Variants in AHCYL2 observed in about 807,000 individuals in gnomAD.
AHCYL2 encodes the protein S-adenosylhomocysteine hydrolase-like protein 2.
In AHCYL2, 28 loss-of-function variants were observed where a neutral mutation model predicts 81.4. The observed-to-expected ratio is 0.34, with a 90% CI of 0.25 to 0.47. AHCYL2 has a LOEUF of 0.47. AHCYL2 is among the 20% of genes least tolerant of loss of function. AHCYL2 has a pLI of 1.00. For synonymous variants in AHCYL2, 272 were observed against 290.2 expected (o/e 0.94, Z 0.64); for missense variants, 551 against 785.1 (o/e 0.70, Z 3.56).
chr7:129,409,362 A>G (rs962773881), intron 10 of AHCYL2, 114 bp from the exon 11 acceptor site: 3 of 724,098 alleles, frequency 4.1e-6, no homozygotes, highest in African/African-American at 3.6e-5. Context: ...ACTTCTAAGA[A>G]TAGTTCAGCT....
chr7:129,271,359 C>CAAA (rs3042852), intron 1 of AHCYL2, among the ~76,000 whole-genome samples: 5 of 86,818 alleles, frequency 5.8e-5, no homozygotes, highest in African/African-American at 2.1e-4. Context: ...AGACTGTCTC[C>CAAA]AAAAAAAAAA....
At chr7:129,282,001 A>G (rs1796463073) in intron 1 of AHCYL2, among the ~76,000 whole-genome samples, 1 of 152,132 alleles carries the variant, frequency 6.6e-6, no homozygotes, top group African/African-American at 2.4e-5. Flanking sequence ...TTACTTAGGT[A>G]TGTATTACTT....
chr7:129,323,138 G>A (rs1288992703), intron 1 of AHCYL2, among the ~76,000 whole-genome samples: 1 of 151,928 alleles, frequency 6.6e-6, no homozygotes, highest in Non-Finnish European at 1.5e-5. Context: ...ATGGTTTGTT[G>A]ATTCTTTTTC....
rs530764381 is a variant in AHCYL2 at position 129,299,719 on chromosome 7, G to A, written c.363+74280G>A. On this transcript the variant is annotated intron_variant, in intron 1 of 16. Coordinates refer to ENST00000325006, the MANE Select transcript of AHCYL2 (RefSeq NM_015328.4). ...GATTCCAACTTTTAGGAGTACTTCC[G>A]TAACAAAGAAAACTTGTCAGAGGGG... Among the ~76,000 whole-genome samples, 7 of 152,148 alleles carry A rather than the reference G, an allele frequency of 4.6e-5. No homozygotes were observed. The East Asian group carries it at 5.8e-4, about 13-fold the overall frequency.
chr7:129,311,387 T>C (rs148481443), intron 1 of AHCYL2, among the ~76,000 whole-genome samples: 19 of 152,342 alleles, frequency 1.2e-4, no homozygotes, highest in African/African-American at 4.3e-4. Context: ...TCGTACCTAT[T>C]CCTGTGGTTT....
chr7:129,292,908 A>G (rs4110091), intron 1 of AHCYL2, among the ~76,000 whole-genome samples: 21,532 of 152,258 alleles, frequency 0.14, 1,850 homozygotes, highest in South Asian at 0.24. Context: ...CGTTACTCTT[A>G]AAAGCATATT....
intron 1 of AHCYL2, among the ~76,000 whole-genome samples, chr7:129,255,411 G>A (rs781575077): frequency 9.2e-5 from 14 of 152,210 alleles, no homozygotes; most frequent in Non-Finnish European, 1.5e-4. Context: ...GAAATCTGGT[G>A]TATATTGTGT....
chr7:129,415,381 C>T (rs1796794341), intron 12 of AHCYL2, among the ~76,000 whole-genome samples: 1 of 152,194 alleles, frequency 6.6e-6, no homozygotes, highest in Non-Finnish European at 1.5e-5. Flanking sequence ...AAAAATAATT[C>T]CAAATGCAGT....
intron 1 of AHCYL2, among the ~76,000 whole-genome samples, chr7:129,277,746 C>T (rs2566885): frequency 0.65 from 98,918 of 151,992 alleles, 32,870 homozygotes; most frequent in Middle Eastern, 0.73. Context: ...ATCATTATTT[C>T]GAGATTTATT....
chr7:129,381,396 G>C (rs555057995), intron 2 of AHCYL2, among the ~76,000 whole-genome samples: 19 of 152,284 alleles, frequency 1.2e-4, no homozygotes, highest in Non-Finnish European at 2.6e-4. Context: ...TGAGCACATA[G>C]TGGCTTGGCA....
intron 1 of AHCYL2, among the ~76,000 whole-genome samples, chr7:129,374,526 G>A (rs934471375): frequency 2.6e-5 from 4 of 151,098 alleles, no homozygotes; most frequent in Non-Finnish European, 2.9e-5. Flanking sequence ...AAAATCTGCC[G>A]GCTGGGTACA....
At chr7:129,287,542 T>G (rs767731724) in intron 1 of AHCYL2, among the ~76,000 whole-genome samples, 1 of 152,238 alleles carries the variant, frequency 6.6e-6, no homozygotes, top group East Asian at 1.9e-4. Flanking sequence ...TTCAGTGTTT[T>G]TGTAGGCTAT....
intron 1 of AHCYL2, among the ~76,000 whole-genome samples, chr7:129,369,933 T>C (rs1166378307): frequency 6.6e-6 from 1 of 152,226 alleles, no homozygotes; most frequent in African/African-American, 2.4e-5. Context: ...TGTTTTAGAA[T>C]TAATGGAAGG....
At chr7:129,401,144 G>A (rs1796011133) in intron 6 of AHCYL2, among the ~76,000 whole-genome samples, 1 of 151,946 alleles carries the variant, frequency 6.6e-6, no homozygotes. Context: ...GGCAACATAG[G>A]CTTTCTACAA....
chr7:129,269,289 AT>A (rs56024439), intron 1 of AHCYL2, among the ~76,000 whole-genome samples: 290 of 140,526 alleles, frequency 2.1e-3, no homozygotes, highest in East Asian at 6.0e-3. Flanking sequence ...ACCATGCCTA[AT>A]TTTTTTTTTT....
intron 1 of AHCYL2, among the ~76,000 whole-genome samples, chr7:129,350,809 T>C (rs369564864): frequency 9.2e-5 from 14 of 151,786 alleles, no homozygotes; most frequent in African/African-American, 2.9e-4. Context: ...GTTCAAGTGC[T>C]TCTCCTGCCT....
chr7:129,377,097 AT>A (rs1794722090), intron 1 of AHCYL2, among the ~76,000 whole-genome samples: 1 of 152,182 alleles, frequency 6.6e-6, no homozygotes, highest in Non-Finnish European at 1.5e-5. Flanking sequence ...AGTGCCTAGG[AT>A]TTGTGCCTGC....
chr7:129,263,131 T>TA (rs1795698026), intron 1 of AHCYL2, among the ~76,000 whole-genome samples: 2 of 152,232 alleles, frequency 1.3e-5, no homozygotes, highest in African/African-American at 4.8e-5. Flanking sequence ...TTTAGTCTGT[T>TA]ATGTTGTGGT....
At chr7:129,344,048 G>A (rs188506121) in intron 1 of AHCYL2, among the ~76,000 whole-genome samples, 28 of 152,206 alleles carry the variant, frequency 1.8e-4, no homozygotes, top group African/African-American at 6.5e-4. Flanking sequence ...TCAACACCAC[G>A]AGAGAAGTGC....
Sources: allele counts gnomAD v4.1 joint callset (sites outside exome capture counted in the v4.1 genomes callset), GRCh38; gene constraint gnomAD v4.1.1; transcripts MANE v1.5; gene names NCBI Gene and HGNC (gene_info 2026-07-23, HGNC 2026-07-21).